ARHGAP22: variants seen among roughly 807,000 people sequenced by gnomAD.
ARHGAP22 encodes the protein Rho GTPase activating protein 22, also known as rho GTPase-activating protein 22.
Under a neutral mutation model 59.1 loss-of-function variants are expected in ARHGAP22, and 48 were observed. That is an observed-to-expected ratio of 0.81 (90% CI 0.64 to 1.03). The LOEUF (loss-of-function observed/expected upper bound fraction) is 1.03. Ranked by LOEUF, ARHGAP22 falls within the 50% of genes least tolerant of loss-of-function variation. The pLI is 0.00. For missense variants in ARHGAP22, 1,015 were observed against 958.7 expected, an observed-to-expected ratio of 1.06 and a Z score of -0.78; for synonymous variants, 445 against 416.4, an observed-to-expected ratio of 1.07 and a Z score of -0.84.
At chr10:48,492,249 T>C (rs562664483) in intron 3 of ARHGAP22, among the ~76,000 whole-genome samples, 11 of 152,222 alleles carry the variant, frequency 7.2e-5, no homozygotes, top group Non-Finnish European at 1.3e-4. Context: ...CAAGGTTTAT[T>C]GAAAAATATT....
At chr10:48,537,850 G>A (rs1356538235) in intron 3 of ARHGAP22, among the ~76,000 whole-genome samples, 1 of 152,206 alleles carries the variant, frequency 6.6e-6, no homozygotes, top group African/African-American at 2.4e-5. Context: ...AGGCAGAGAG[G>A]GGGTGCAGGA....
upstream of ARHGAP22, among the ~76,000 whole-genome samples, chr10:48,609,237 C>A (rs1273312848): frequency 6.6e-6 from 1 of 152,216 alleles, no homozygotes; most frequent in African/African-American, 2.4e-5. Flanking sequence ...GCCAGCTCTC[C>A]ACCTGAATCT....
chr10:48,602,316 T>C (rs2060433281), intron 1 of ARHGAP22, among the ~76,000 whole-genome samples: 1 of 152,206 alleles, frequency 6.6e-6, no homozygotes. Context: ...AAAGCTCCTA[T>C]AACTTGGCCC....
intron 1 of ARHGAP22, among the ~76,000 whole-genome samples, chr10:48,622,266 C>A (rs968501703): frequency 2.6e-5 from 4 of 151,388 alleles, no homozygotes; most frequent in African/African-American, 9.7e-5. Flanking sequence ...TTCTGTCATA[C>A]CCTTTTAAGA....
At position 48,641,234 on chromosome 10, in the gene ARHGAP22, AT is replaced by A. The variant is rs1191365780; in HGVS notation, c.52+10999del. ...ACAAATTATAAAATGGCAAATGTAAATTCAAACATATCAATAATTATATTAA... is the reference window on the plus strand; with the variant it reads ...ACAAATTATAAAATGGCAAATGTAAATCAAACATATCAATAATTATATTAA... On this transcript the variant is annotated intron_variant, in intron 1 of 9. Transcript: ENST00000435790. Among the ~76,000 whole-genome samples the A allele has an allele frequency of 2.0e-5, 3 of 152,320 alleles. No homozygotes were observed. In the East Asian group the frequency reaches 5.8e-4, roughly 29 times the overall value.
chr10:48,493,498 A>T (rs1284056309), intron 3 of ARHGAP22: 3 of 1,535,738 alleles, frequency 2.0e-6, no homozygotes, highest in Middle Eastern at 1.7e-4. Context: ...CATGGTGTGG[A>T]GCAGCGGGGG....
intron 1 of ARHGAP22, among the ~76,000 whole-genome samples, chr10:48,650,144 C>G (rs1455977815): frequency 2.9e-5 from 2 of 69,732 alleles, no homozygotes; most frequent in Non-Finnish European, 6.0e-5. Flanking sequence ...GTGCTGGAGA[C>G]TCTTTTTTTT....
At chr10:48,513,482 G>A (rs1485748130) in intron 3 of ARHGAP22, among the ~76,000 whole-genome samples, 2 of 152,130 alleles carry the variant, frequency 1.3e-5, no homozygotes, top group Non-Finnish European at 2.9e-5. Context: ...AAACATACAT[G>A]TGCAAACACA....
At chr10:48,468,688 C>G (rs1240865651) in intron 4 of ARHGAP22, among the ~76,000 whole-genome samples, 3 of 152,168 alleles carry the variant, frequency 2.0e-5, no homozygotes, top group Non-Finnish European at 4.4e-5. Flanking sequence ...TATTCATGTT[C>G]ATTTTTTAAA....
At chr10:48,498,509 G>C (rs1186270570) in intron 3 of ARHGAP22, among the ~76,000 whole-genome samples, 2 of 152,134 alleles carry the variant, frequency 1.3e-5, no homozygotes, top group Non-Finnish European at 2.9e-5. Flanking sequence ...CAAGGATTTA[G>C]AGCCCTCTGC....
chr10:48,589,021 A>G (rs570337634), intron 1 of ARHGAP22, among the ~76,000 whole-genome samples: 52 of 152,136 alleles, frequency 3.4e-4, no homozygotes, highest in Non-Finnish European at 6.3e-4. Context: ...TTTGGCTCAC[A>G]TGACTGCGTG....
downstream of ARHGAP22, among the ~76,000 whole-genome samples, chr10:48,442,654 A>C (rs2045230623): frequency 6.6e-6 from 1 of 151,990 alleles, no homozygotes; most frequent in Non-Finnish European, 1.5e-5. Context: ...GGGCCCAGAA[A>C]AGTGCTCTAC....
chr10:48,639,935 T>C (rs1421432418), intron 1 of ARHGAP22, among the ~76,000 whole-genome samples: 3 of 152,150 alleles, frequency 2.0e-5, no homozygotes, highest in Non-Finnish European at 4.4e-5. Flanking sequence ...TGTAAATATG[T>C]TTACAAAAAC....
chr10:48,641,270 G>A (rs1234389875), intron 1 of ARHGAP22, among the ~76,000 whole-genome samples: 1 of 152,044 alleles, frequency 6.6e-6, no homozygotes, highest in Non-Finnish European at 1.5e-5. Context: ...AATGTGAATG[G>A]TCTAAATACC....
intron 5 of ARHGAP22, among the ~76,000 whole-genome samples, 200 bp downstream of exon 5, chr10:48,459,484 C>T (rs1223354171): frequency 6.6e-6 from 1 of 152,136 alleles, no homozygotes; most frequent in African/African-American, 2.4e-5. Flanking sequence ...GAGCTGGCCT[C>T]GTGCATGGCA....
chr10:48,511,671 A>G (rs1387619813), intron 3 of ARHGAP22: 1 of 152,230 alleles, frequency 6.6e-6, no homozygotes, highest in African/African-American at 2.4e-5. Context: ...AGTCCCCAGA[A>G]GAGGACTGGA....
rs1269725877 is a variant in ARHGAP22 at position 48,649,841 on chromosome 10, G to T, written c.52+2393C>A. On this transcript the variant is annotated intron_variant, in intron 1 of 9. Transcript: ENST00000435790. The stretch of plus-strand genomic sequence containing the variant: ...AAAGTGCTGGTAGGTTCTCGATGTG[G>T]CAAGATTGTGGACAAAGTGAAGAAA... 1.3e-5 allele frequency among the ~76,000 whole-genome samples: 2 copies of T among 152,218 alleles called. 1 individual carries two copies. Among genetic ancestry groups the T allele is most frequent in the East Asian group, 3.8e-4 (2 of 5,196 alleles).
At chr10:48,628,405 T>G (rs1272238971) in intron 1 of ARHGAP22, among the ~76,000 whole-genome samples, 2 of 152,210 alleles carry the variant, frequency 1.3e-5, no homozygotes, top group Non-Finnish European at 2.9e-5. Context: ...TCAGAGCCAG[T>G]GTGTGCAAGG....
intron 2 of ARHGAP22, among the ~76,000 whole-genome samples, chr10:48,580,121 C>T (rs1328246622): frequency 6.6e-6 from 1 of 152,154 alleles, no homozygotes; most frequent in African/African-American, 2.4e-5. Context: ...CTGGCATCTG[C>T]TGGGAGATAC....
Sources: gnomAD v4.1 joint callset for allele counts (sites outside exome capture counted in the v4.1 genomes callset) on GRCh38, gnomAD v4.1.1 for gene constraint, MANE v1.5 for transcripts, NCBI Gene and HGNC (gene_info 2026-07-23, HGNC 2026-07-21) for gene names.